The following WNK1 variants were observed in gnomAD, a reference collection of about 807,000 sequenced individuals.
The protein encoded by WNK1 is WNK lysine deficient protein kinase 1.
Under a neutral mutation model 222.8 loss-of-function variants are expected in WNK1, and 38 were observed. That is an observed-to-expected ratio of 0.17 (90% CI 0.13 to 0.22). The LOEUF is 0.22. Among genes scored for constraint, WNK1 ranks in the 10% least tolerant of loss-of-function variants. The pLI, the probability that WNK1 is intolerant of heterozygous loss-of-function variation, is 1.00. For missense variants in WNK1, 2,348 were observed against 2,918.4 expected (o/e 0.80, Z 4.50); for synonymous variants, 1,090 against 1,092.9 (o/e 1.00, Z 0.05).
chr12:907,007 AG>A (rs1955754550), intron 26 of WNK1, among the ~76,000 whole-genome samples: 1 of 95,016 alleles, frequency 1.1e-5, no homozygotes, highest in Non-Finnish European at 2.3e-5. Context: ...TGACAGAAAA[AG>A]AAGAGACCCT....
intron 1 of WNK1, among the ~76,000 whole-genome samples, chr12:785,536 T>C (rs1944214408): frequency 6.6e-6 from 1 of 151,812 alleles, no homozygotes; most frequent in Non-Finnish European, 1.5e-5. Context: ...TAGCTGGGAT[T>C]ACAGGCACCC....
At chr12:876,339 G>A (rs1952607163) in intron 9 of WNK1, among the ~76,000 whole-genome samples, 1 of 152,128 alleles carries the variant, frequency 6.6e-6, no homozygotes, top group African/African-American at 2.4e-5. Flanking sequence ...AACCTGGGAG[G>A]CGGAACTTGC....
At chr12:772,507 G>A (rs1439360182) in intron 1 of WNK1, among the ~76,000 whole-genome samples, 2 of 152,010 alleles carry the variant, frequency 1.3e-5, no homozygotes, top group Non-Finnish European at 2.9e-5. Flanking sequence ...GTAATTATGT[G>A]TATACATACG....
chr12:777,774 T>G (rs2153962449), intron 1 of WNK1, among the ~76,000 whole-genome samples: 1 of 152,342 alleles, frequency 6.6e-6, no homozygotes, highest in Non-Finnish European at 1.5e-5. Flanking sequence ...AGCTACATGG[T>G]AGCTATTTAA....
intron 4 of WNK1, among the ~76,000 whole-genome samples, chr12:843,426 A>G (rs758605854): frequency 1.1e-4 from 16 of 152,254 alleles, no homozygotes; most frequent in Non-Finnish European, 1.5e-4. Flanking sequence ...TATCAATAAC[A>G]TTTTTATGAC....
intron 10 of WNK1, 132 bp from the exon 11 acceptor site, chr12:879,441 T>G: frequency 2.9e-6 from 2 of 700,240 alleles, no homozygotes; most frequent in East Asian, 2.8e-5. Flanking sequence ...TTTTGTTGGT[T>G]TGGTGTTTTT....
At chr12:864,353 C>A (rs557605999) in intron 8 of WNK1, among the ~76,000 whole-genome samples, 1 of 152,152 alleles carries the variant, frequency 6.6e-6, no homozygotes, top group Admixed American at 6.5e-5. Flanking sequence ...TCAAGTGATC[C>A]ACCTGCCTCG....
At chr12:881,558 T>C (rs138169362) in intron 12 of WNK1, 134 bp from the exon 13 acceptor site, 2 of 751,792 alleles carry the variant, frequency 2.7e-6, no homozygotes, top group African/African-American at 3.4e-5. Context: ...TGCTGAATAT[T>C]GAGAATTTAC....
intron 4 of WNK1, among the ~76,000 whole-genome samples, chr12:843,696 A>G (rs1467752115): frequency 2.0e-5 from 3 of 152,202 alleles, no homozygotes; most frequent in Non-Finnish European, 4.4e-5. Flanking sequence ...TTTATACCAC[A>G]CCTTTGAGAA....
At chr12:836,639 A>T (rs1339630481) in intron 4 of WNK1, among the ~76,000 whole-genome samples, 2 of 152,254 alleles carry the variant, frequency 1.3e-5, no homozygotes, top group African/African-American at 4.8e-5. Flanking sequence ...CAACTTTTCA[A>T]TAAAAAAGTA....
intron 1 of WNK1, among the ~76,000 whole-genome samples, chr12:754,759 A>T (rs1939730716): frequency 6.6e-6 from 1 of 152,244 alleles, no homozygotes; most frequent in Admixed American, 6.5e-5. Flanking sequence ...AAATGAGAAC[A>T]ACCTTGTACC....
Position 830,022 on chromosome 12 carries a change from C to T in WNK1, c.1173C>T (p.Ala391=), listed in dbSNP as rs1366102202. 1 of 1,614,018 alleles carries T rather than the reference C, an allele frequency of 6.2e-7. No individual in the cohort carries two copies. Among genetic ancestry groups the T allele is most frequent in the African/African-American group, 1.3e-5 (1 of 74,944 alleles). The change falls in exon 4 of 28, where the codon GCC becomes GCT. Residue 391 remains alanine (A), a synonymous_variant. Transcript: ENST00000315939. Reference sequence around the variant, plus strand: ...TTTAAGGTACCCCAGAGTTCATGGCCCCTGAGATGTATGAGGAGAAATATG... The same window carrying T: ...TTTAAGGTACCCCAGAGTTCATGGCTCCTGAGATGTATGAGGAGAAATATG... ...KSVIGTPEFM[A]PEMYEEKYDE... is the part of the protein sequence containing the mutation.
At chr12:837,354 A>G (rs550090279) in intron 4 of WNK1, among the ~76,000 whole-genome samples, 1 of 152,234 alleles carries the variant, frequency 6.6e-6, no homozygotes, top group East Asian at 1.9e-4. Flanking sequence ...CAGGCAGATT[A>G]CCTGAGGCCA....
intron 8 of WNK1, among the ~76,000 whole-genome samples, chr12:869,639 AAGAT>A (rs1001379504): frequency 1.6e-4 from 25 of 152,320 alleles, no homozygotes; most frequent in African/African-American, 4.3e-4. Flanking sequence ...GGAATAAAAA[AAGAT>A]AGAAAAGGAA....
At chr12:817,500 C>T (rs1040739254) in intron 2 of WNK1, among the ~76,000 whole-genome samples, 1 of 152,096 alleles carries the variant, frequency 6.6e-6, no homozygotes, top group African/African-American at 2.4e-5. Flanking sequence ...TTTGGAGAGG[C>T]AGATTGGGAA....
chr12:842,236 A>C (rs1444102348), intron 4 of WNK1, among the ~76,000 whole-genome samples: 3 of 152,238 alleles, frequency 2.0e-5, no homozygotes, highest in African/African-American at 7.2e-5. Context: ...GAAGTTGAAT[A>C]GCAGCAAGTA....
At chr12:886,204 T>C (rs1236459666) in intron 19 of WNK1, 120 bp downstream of exon 19, 1 of 899,460 alleles carries the variant, frequency 1.1e-6, no homozygotes, top group Admixed American at 3.2e-5. Flanking sequence ...ACCTGGCTTA[T>C]AGTATTTATT....
chr12:764,474 A>G (rs1459065788), intron 1 of WNK1, among the ~76,000 whole-genome samples: 2 of 145,034 alleles, frequency 1.4e-5, no homozygotes, highest in African/African-American at 4.9e-5. Context: ...CGTCTCTACT[A>G]AAAATACAAA....
chr12:829,928 C>A, intron 3 of WNK1, 75 bp from the exon 4 acceptor site: 1 of 1,542,528 alleles, frequency 6.5e-7, no homozygotes, highest in Middle Eastern at 1.7e-4. Context: ...AGGTCAACCC[C>A]TCTGCTTCTC....
Sources: allele counts gnomAD v4.1 joint callset (sites outside exome capture counted in the v4.1 genomes callset), GRCh38; gene constraint gnomAD v4.1.1; transcripts MANE v1.5; gene names NCBI Gene and HGNC (gene_info 2026-07-23, HGNC 2026-07-21).